Variants in CHD9 observed in about 807,000 individuals in gnomAD.
The protein encoded by CHD9 is ATP-dependent chromatin remodeler CHD9.
Under a neutral mutation model 316.1 loss-of-function variants are expected in CHD9, and 77 were observed. The observed-to-expected ratio is 0.24, with a 90% CI of 0.20 to 0.29. CHD9 has a LOEUF of 0.29. CHD9 is among the 10% of genes least tolerant of loss of function. The pLI is 1.00. For missense variants in CHD9, 2,763 were observed against 3,438.1 expected (o/e 0.80, Z 4.91); for synonymous variants, 1,129 against 1,158.3 (o/e 0.97, Z 0.51).
chr16:53,246,729 G>C (rs1055569263), intron 15 of CHD9, among the ~76,000 whole-genome samples: 1 of 151,132 alleles, frequency 6.6e-6, no homozygotes, highest in African/African-American at 2.4e-5. Flanking sequence ...TTGTTATATT[G>C]CTCAGGCTGG....
chr16:53,245,207 CACATA>C lies in CHD9; in HGVS notation c.3055-123_3055-119del. ...AAATATATATATATACACACACACA[CACATA>C]ACATATATATATGTATATATAGTCA... On this transcript the variant is annotated intron_variant, in intron 13 of 38. Transcript: ENST00000447540. The surrounding 1 kb of genome is among the most constrained non-coding windows in gnomAD (Gnocchi z 4.1). 2 of 614,750 alleles carry C rather than the reference CACATA, an allele frequency of 3.3e-6. No homozygotes were observed. Among genetic ancestry groups the C allele is most frequent in the Admixed American group, 4.0e-5 (1 of 24,888 alleles). The allele number at this position is 614,750 out of a possible 1,614,324, so 38.1% of individuals were successfully genotyped here. A position where few individuals can be genotyped will look rare whatever the true frequency, so the allele number is the denominator to read the frequency against.
At chr16:53,064,756 C>T (rs1325615634) in intron 1 of CHD9, among the ~76,000 whole-genome samples, 1 of 151,962 alleles carries the variant, frequency 6.6e-6, no homozygotes, top group African/African-American at 2.4e-5. Context: ...GGTGGATCAC[C>T]TGAGGTCAGG....
At chr16:53,292,255 G>A (rs2054402350) in intron 28 of CHD9, among the ~76,000 whole-genome samples, 1 of 152,158 alleles carries the variant, frequency 6.6e-6, no homozygotes, top group African/African-American at 2.4e-5. Flanking sequence ...AGTTCAACTA[G>A]GAATGAAAAA....
chr16:53,116,823 G>A (rs11645760), intron 1 of CHD9, among the ~76,000 whole-genome samples: 41,333 of 152,014 alleles, frequency 0.27, 7,065 homozygotes, highest in Non-Finnish European at 0.38. Context: ...TGGAATCAAC[G>A]AAAATGCCCA....
chr16:53,166,497 C>T (rs1324969347), intron 2 of CHD9, among the ~76,000 whole-genome samples: 1 of 152,066 alleles, frequency 6.6e-6, no homozygotes, highest in East Asian at 1.9e-4. Context: ...TACCTTAGGA[C>T]TACTCAGTCA....
intron 1 of CHD9, among the ~76,000 whole-genome samples, chr16:53,116,016 G>A (rs536421328): frequency 6.6e-6 from 1 of 152,306 alleles, no homozygotes; most frequent in Admixed American, 6.5e-5. Context: ...TATCTAGAAA[G>A]AGGAGCGGCA....
At chr16:53,235,102 G>T in intron 10 of CHD9, 83 bp from the exon 11 acceptor site, 1 of 1,146,012 alleles carries the variant, frequency 8.7e-7, no homozygotes, top group African/African-American at 1.6e-5. Flanking sequence ...GCCTCTTAGG[G>T]TTATTTTTAA....
chr16:53,308,816 C>T lies in CHD9; in HGVS notation c.7184C>T (p.Thr2395Ile), dbSNP rs765012276. The T allele has an allele frequency of 7.4e-6, 12 of 1,613,532 alleles. No homozygotes were observed. The highest frequency in any genetic ancestry group is 1.6e-4 in the Middle Eastern group (1 of 6,084). The change falls in exon 34 of 39, where the codon ACC becomes ATC. Residue 2395 changes from threonine to isoleucine, a missense_variant. By Grantham distance (89) the Thr-to-Ile change is moderately conservative. Around this residue, in one of 15 missense-constraint regions of CHD9, gnomAD observed 663 missense variants for 751.2 expected, o/e 0.88. Coordinates refer to ENST00000447540, the MANE Select transcript of CHD9 (RefSeq NM_001308319.2). ...RLRELQSASE[T>I]SLVNFPKSIP... ...CGAGAGCTTCAAAGTGCATCAGAGACCAGCCTCGTCAATTTCCCAAAATCC... is the reference window on the plus strand; with the variant it reads ...CGAGAGCTTCAAAGTGCATCAGAGATCAGCCTCGTCAATTTCCCAAAATCC...
intron 1 of CHD9, among the ~76,000 whole-genome samples, chr16:53,108,953 T>G (rs1167197237): frequency 1.3e-5 from 2 of 152,070 alleles, no homozygotes; most frequent in Non-Finnish European, 2.9e-5. Context: ...TATCTGATAC[T>G]TTGGTAAGTT....
At position 53,250,004 on chromosome 16, in the gene CHD9, T is replaced by C; in HGVS notation, c.3799T>C (p.Leu1267=). ...CTRAGGLGIN[L]TAADTCIIFD... ...CCGAGCTGGTGGGTTGGGCATCAAC[T>C]TAACTGCAGCTGATACATGTATAAT... The change falls in exon 17 of 39, where the codon TTA becomes CTA. Residue 1267 remains leucine, a synonymous_variant. Transcript: ENST00000447540. The C allele has an allele frequency of 6.2e-7, 1 of 1,613,860 alleles. No individual in the cohort carries two copies.
chr16:53,197,529 A>C (rs1327137872), intron 2 of CHD9, among the ~76,000 whole-genome samples: 1 of 152,140 alleles, frequency 6.6e-6, no homozygotes, highest in Non-Finnish European at 1.5e-5. Flanking sequence ...TATGGAAGAT[A>C]AGATAACCTT....
intron 1 of CHD9, among the ~76,000 whole-genome samples, chr16:53,095,853 A>G (rs566269171): frequency 2.3e-4 from 35 of 152,330 alleles, no homozygotes; most frequent in African/African-American, 7.9e-4. Flanking sequence ...TTACAATCCC[A>G]GTAACAACAA....
chr16:53,132,098 T>A lies in CHD9; in HGVS notation c.-164-23828T>A, dbSNP rs552285322. Among the ~76,000 whole-genome samples the A allele has an allele frequency of 6.0e-3, 819 of 136,684 alleles. 3 individuals carry two copies. Among genetic ancestry groups the A allele is most frequent in the Non-Finnish European group, 7.8e-3 (485 of 62,068 alleles). 89.7% of individuals were successfully genotyped at this position (136,684 alleles called of 152,430 possible). ...TTCTTATTTTTATTTTTAAAAAAAA[T>A]TTTTTTTGGGGGGGGTGGTTTGCTT... is the stretch of plus-strand genomic sequence containing the variant. On this transcript the variant is annotated intron_variant, in intron 1 of 38. Coordinates refer to ENST00000447540, the MANE Select transcript of CHD9 (RefSeq NM_001308319.2).
chr16:53,204,123 CGTGTGTGTGT>C (rs59131817), intron 2 of CHD9, among the ~76,000 whole-genome samples: 1 of 142,066 alleles, frequency 7.0e-6, no homozygotes, highest in African/African-American at 2.6e-5. Flanking sequence ...ATCTAGATAA[CGTGTGTGTGT>C]GTGTGTGTGT....
chr16:53,300,842 A>T lies in CHD9; in HGVS notation c.5714-2878A>T, dbSNP rs148963007. Among the ~76,000 whole-genome samples the T allele has an allele frequency of 3.1e-3, 471 of 152,332 alleles. 6 individuals are homozygous for T. Among genetic ancestry groups the T allele is most frequent in the African/African-American group, 0.011 (456 of 41,584 alleles). ...CATCTCAGGCCAGATGCGGTGGCTCACGCCTGTAATCCCCACATTTTGGTA... is the reference window on the plus strand; with the variant it reads ...CATCTCAGGCCAGATGCGGTGGCTCTCGCCTGTAATCCCCACATTTTGGTA... On this transcript the variant is annotated intron_variant, in intron 30 of 38. Transcript: ENST00000447540.
intron 1 of CHD9, among the ~76,000 whole-genome samples, chr16:53,119,687 C>T (rs571029298): frequency 7.1e-4 from 108 of 152,236 alleles, no homozygotes; most frequent in Admixed American, 1.3e-3. Context: ...AAAAAATTAG[C>T]CAGGCGTGTT....
Position 53,268,074 on chromosome 16 carries a change from T to A in CHD9, c.4665T>A (p.Asp1555Glu). The A allele has an allele frequency of 3.7e-6, 6 of 1,613,008 alleles. No homozygotes were observed. Among genetic ancestry groups the A allele is most frequent in the South Asian group, 1.1e-5 (1 of 91,028 alleles). Reference sequence around the variant, plus strand: ...AGAAGATTAAAGGTTTCATATGGGATCTCATTACTCCAACTGAAGATGGAC... The same window carrying A: ...AGAAGATTAAAGGTTTCATATGGGAACTCATTACTCCAACTGAAGATGGAC... ...GDEKIKGFIW[D>E]LITPTEDGQT... The change falls in exon 22 of 39, where the codon GAT becomes GAA. Residue 1555 changes from aspartate to glutamate, a missense_variant. This residue lies in a region of CHD9 where 99 missense variants were observed against 131.6 expected (regional missense o/e 0.75). Coordinates refer to ENST00000447540, the MANE Select transcript of CHD9 (RefSeq NM_001308319.2).
intron 1 of CHD9, among the ~76,000 whole-genome samples, chr16:53,060,923 T>C (rs1191774725): frequency 1.6e-4 from 24 of 146,884 alleles, no homozygotes; most frequent in African/African-American, 6.0e-4. Flanking sequence ...GTTGTCTCTT[T>C]TTTTTTTTTT....
At chr16:53,307,974 C>T (rs188928637) in intron 33 of CHD9, 21 bp downstream of exon 33, 8 of 1,563,888 alleles carry the variant, frequency 5.1e-6, no homozygotes, top group Non-Finnish European at 6.9e-6. Context: ...TTTTATTGCC[C>T]TAGGGCCTGA....
Sources: gnomAD v4.1 joint callset for allele counts (sites outside exome capture counted in the v4.1 genomes callset) on GRCh38, gnomAD v4.1.1 for gene constraint, gnomAD v4.1.1 regional missense constraint, Gnocchi (gnomAD v3.1) non-coding constraint, MANE v1.5 for transcripts, NCBI Gene and HGNC (gene_info 2026-07-23, HGNC 2026-07-21) for gene names.